Variants in TTC1 observed in about 807,000 individuals in gnomAD.
The protein encoded by TTC1 is tetratricopeptide repeat domain 1.
Under a neutral mutation model 37.6 loss-of-function variants are expected in TTC1, and 31 were observed. That is an observed-to-expected ratio of 0.82 (90% CI 0.62 to 1.11). TTC1 has a LOEUF of 1.11. TTC1 is among the 50% of genes most tolerant of loss of function. The pLI is 0.00. For missense variants in TTC1, 351 were observed against 339.0 expected (o/e 1.04, Z -0.28); for synonymous variants, 127 against 122.4 (o/e 1.04, Z -0.25).
intron 4 of TTC1, among the ~76,000 whole-genome samples, chr5:160,037,012 G>C (rs773774643): frequency 2.0e-5 from 3 of 152,166 alleles, no homozygotes; most frequent in Non-Finnish European, 4.4e-5. Context: ...AAGTAGCTGA[G>C]TGAATACTTT....
intron 2 of TTC1, chr5:160,024,110 T>G: frequency 1.3e-6 from 1 of 751,090 alleles, no homozygotes. Context: ...TTCTCTGTGC[T>G]GTGTACATAG....
At chr5:160,048,588 A>G (rs1757320034) in intron 5 of TTC1, among the ~76,000 whole-genome samples, 1 of 152,248 alleles carries the variant, frequency 6.6e-6, no homozygotes, top group Non-Finnish European at 1.5e-5. Flanking sequence ...TTATGCATCA[A>G]CCACCTCATA....
At position 160,065,453 on chromosome 5, in the gene TTC1, G is replaced by A. The variant is rs1753578880; in HGVS notation, c.*388G>A. 1.3e-5 allele frequency: 6 copies of A among 459,904 alleles called. No individual in the cohort carries two copies. The highest frequency in any genetic ancestry group is 4.0e-5 in the African/African-American group (2 of 50,270). 28.5% of individuals were successfully genotyped at this position (459,904 alleles called of 1,614,324 possible). Reference sequence around the variant, plus strand: ...CAGACATGATTGATGACGGGTTCCCGCCTGCTGTCCCCTCCCTGATCACAC... The same window carrying A: ...CAGACATGATTGATGACGGGTTCCCACCTGCTGTCCCCTCCCTGATCACAC... On this transcript the variant is annotated 3_prime_UTR_variant, in exon 8 of 8. Transcript: ENST00000231238.
intron 2 of TTC1, among the ~76,000 whole-genome samples, chr5:160,028,298 CAA>C (rs61408395): frequency 3.6e-4 from 29 of 79,688 alleles, no homozygotes; most frequent in Admixed American, 6.1e-4. Flanking sequence ...GACTCCGTCT[CAA>C]AAAAAAAAAA....
chr5:160,061,571 A>G (rs1753401258), intron 7 of TTC1, among the ~76,000 whole-genome samples: 1 of 152,110 alleles, frequency 6.6e-6, no homozygotes, highest in African/African-American at 2.4e-5. Context: ...CGCAGAGACT[A>G]TTTATTTGTG....
intron 1 of TTC1, among the ~76,000 whole-genome samples, chr5:160,009,938 G>C (rs1272142053): frequency 6.6e-6 from 1 of 152,238 alleles, no homozygotes; most frequent in Admixed American, 6.5e-5. Flanking sequence ...ACGGACCGTA[G>C]TTTCTTACTC....
intron 2 of TTC1, among the ~76,000 whole-genome samples, chr5:160,020,789 T>A (rs984845257): frequency 1.3e-5 from 2 of 152,214 alleles, no homozygotes; most frequent in African/African-American, 4.8e-5. Flanking sequence ...AAAACAAGCT[T>A]AGGGCTCCCA....
rs1362455227 is a variant in TTC1, at chr5:160,010,640, A to C, written c.112A>C (p.Asn38His). 6.2e-7 allele frequency: 1 copy of C among 1,614,062 alleles called. No individual in the cohort carries two copies. Among genetic ancestry groups the C allele is most frequent in the Middle Eastern group, 1.7e-4 (1 of 6,038 alleles). The change falls in exon 2 of 8, where the codon AAT (asparagine) becomes CAT (histidine). Residue 38 changes from asparagine to histidine, a missense_variant. Asn to His is a moderately conservative substitution (Grantham distance 68, BLOSUM62 1). Coordinates refer to ENST00000231238, the MANE Select transcript of TTC1 (RefSeq NM_003314.3). ...CAGPPVPDPK[N>H]QHSQSKLLRD... is the part of the protein sequence containing the mutation. Reference sequence around the variant, plus strand: ...TGGCCCTCCAGTTCCTGATCCCAAAAATCAGCATTCCCAGAGTAAGCTGCT... The same window carrying C: ...TGGCCCTCCAGTTCCTGATCCCAAACATCAGCATTCCCAGAGTAAGCTGCT...
chr5:160,024,664 AT>A (rs199612694), intron 2 of TTC1, among the ~76,000 whole-genome samples: 13,402 of 140,746 alleles, frequency 0.095, 708 homozygotes, highest in Admixed American at 0.19. Context: ...ACCCAGCTAA[AT>A]TTTTTTTTTT....
chr5:160,039,824 A>G (rs1277236408), intron 4 of TTC1, among the ~76,000 whole-genome samples: 1 of 152,202 alleles, frequency 6.6e-6, no homozygotes, highest in Non-Finnish European at 1.5e-5. Flanking sequence ...AGTTTTTGAT[A>G]TTTGAATTGG....
At chr5:160,045,454 CCA>C (rs57919333) in intron 5 of TTC1, among the ~76,000 whole-genome samples, 636 of 38,860 alleles carry the variant, frequency 0.016, 7 homozygotes, top group Non-Finnish European at 0.02. Context: ...CCCCCACCCT[CCA>C]CACACACACA....
intron 2 of TTC1, among the ~76,000 whole-genome samples, chr5:160,020,817 T>G (rs2113349799): frequency 6.6e-6 from 1 of 152,332 alleles, no homozygotes; most frequent in South Asian, 2.1e-4. Context: ...TACATTATGG[T>G]GAATTGTATA....
At chr5:160,046,449 G>A (rs1482686254) in intron 5 of TTC1, among the ~76,000 whole-genome samples, 3 of 151,684 alleles carry the variant, frequency 2.0e-5, no homozygotes, top group Non-Finnish European at 2.9e-5. Context: ...CAACATTTTG[G>A]AAGTCTCTAG....
At chr5:160,031,638 A>T (rs962612502) in intron 2 of TTC1, among the ~76,000 whole-genome samples, 2 of 151,662 alleles carry the variant, frequency 1.3e-5, no homozygotes, top group Non-Finnish European at 2.9e-5. Flanking sequence ...AATAAATAAA[A>T]AATAACCTCA....
chr5:160,025,637 T>C (rs768987557), intron 2 of TTC1, among the ~76,000 whole-genome samples: 2 of 152,228 alleles, frequency 1.3e-5, no homozygotes, highest in Non-Finnish European at 2.9e-5. Context: ...GAGTTCACCT[T>C]TTTGCAGCAG....
intron 2 of TTC1, among the ~76,000 whole-genome samples, chr5:160,028,860 G>A (rs1325702480): frequency 1.3e-5 from 2 of 151,936 alleles, no homozygotes; most frequent in Non-Finnish European, 2.9e-5. Flanking sequence ...TTTTTGAACT[G>A]TATAAATAAT....
Position 160,027,020 on chromosome 5 carries a change from C to CT in TTC1, c.331-8108dup, listed in dbSNP as rs1007222902. 3.0e-3 allele frequency among the ~76,000 whole-genome samples: 431 copies of CT among 141,866 alleles called. 3 individuals carry two copies. Among genetic ancestry groups the CT allele is most frequent in the African/African-American group, 7.8e-3 (305 of 39,028 alleles). The allele number at this position is 141,866 out of a possible 152,430, so 93.1% of individuals were successfully genotyped here. A position where few individuals can be genotyped will look rare whatever the true frequency, so the allele number is the denominator to read the frequency against. ...TAGTCTACTTTAGTTTTTCGGGATT[C>CT]TTTTTTTTTTTTCTTTTTCTTTTTT... is the stretch of plus-strand genomic sequence containing the variant. On this transcript the variant is annotated intron_variant, in intron 2 of 7. Transcript: ENST00000231238.
chr5:160,029,305 A>G (rs1756864300), intron 2 of TTC1, among the ~76,000 whole-genome samples: 1 of 152,088 alleles, frequency 6.6e-6, no homozygotes, highest in Non-Finnish European at 1.5e-5. Context: ...TGAACACACT[A>G]ACACCCAGAT....
At chr5:160,063,092 G>A (rs962154438) in intron 7 of TTC1, among the ~76,000 whole-genome samples, 2 of 152,158 alleles carry the variant, frequency 1.3e-5, no homozygotes, top group African/African-American at 2.4e-5. Flanking sequence ...CCAGGTTCTG[G>A]GAGCTTTCTC....
Sources: gnomAD v4.1 joint callset for allele counts (sites outside exome capture counted in the v4.1 genomes callset) on GRCh38, gnomAD v4.1.1 for gene constraint, MANE v1.5 for transcripts, NCBI Gene and HGNC (gene_info 2026-07-23, HGNC 2026-07-21) for gene names.